The following GABRR3 variants were observed in gnomAD, a reference collection of about 807,000 sequenced individuals.
GABRR3 encodes gamma-aminobutyric acid receptor subunit rho-3.
Under a neutral mutation model 43.2 loss-of-function variants are expected in GABRR3, and 29 were observed. The ratio of observed to expected loss-of-function variants is 0.67; its 90% CI spans 0.50 to 0.92. The LOEUF is 0.92. GABRR3 is among the 40% of genes least tolerant of loss of function. The pLI is 0.00. For synonymous variants in GABRR3, 206 were observed against 195.9 expected (o/e 1.05, Z -0.43); for missense variants, 576 against 572.3 (o/e 1.01, Z -0.07).
At position 97,990,508 on chromosome 3, in the gene GABRR3, C is replaced by T. The variant is rs556258786; in HGVS notation, c.1104+2344G>A. Among the ~76,000 whole-genome samples the T allele has an allele frequency of 3.9e-5, 6 of 152,048 alleles. No homozygotes were observed. The South Asian group carries it at 6.2e-4, about 16-fold the overall frequency. On this transcript the variant is annotated intron_variant, in intron 9 of 9. Coordinates refer to ENST00000621172, the Ensembl canonical transcript of GABRR3. The stretch of plus-strand genomic sequence containing the variant: ...GGATTACAGGTTCCCACCACACGCC[C>T]GGCTAATTTTTGTATTTTTAGTAGA...
At chr3:98,019,236 G>C (rs1278263626) in intron 3 of GABRR3, among the ~76,000 whole-genome samples, 3 of 152,190 alleles carry the variant, frequency 2.0e-5, no homozygotes, top group Non-Finnish European at 4.4e-5. Context: ...CTGAGGCTAC[G>C]TAATGCCTGG....
chr3:98,028,460 C>T (rs1391403195), intron 2 of GABRR3, among the ~76,000 whole-genome samples: 3 of 152,186 alleles, frequency 2.0e-5, no homozygotes, highest in African/African-American at 7.2e-5. Flanking sequence ...GTTCTTCCTT[C>T]AATTTTGTTA....
intron 1 of GABRR3, 99 bp from the exon 2 acceptor site, chr3:98,035,088 C>A: frequency 1.5e-6 from 2 of 1,369,536 alleles, no homozygotes; most frequent in Non-Finnish European, 2.0e-6. Context: ...AACAGCATGT[C>A]AGGGGAAATG....
chr3:98,035,136 C>A, intron 1 of GABRR3, 54 bp downstream of exon 1: 1 of 929,032 alleles, frequency 1.1e-6, no homozygotes, highest in Non-Finnish European at 1.5e-6. Flanking sequence ...TTCAATGCTG[C>A]ACTTTGTTTT....
At chr3:98,023,173 G>C in intron 3 of GABRR3, among the ~76,000 whole-genome samples, 1 of 152,248 alleles carries the variant, frequency 6.6e-6, no homozygotes, top group South Asian at 2.1e-4. Context: ...GAGTGTCAAA[G>C]CCTCTCTAGA....
rs145153329 is a variant in GABRR3, at chr3:98,032,702, A to T, written c.125+2161T>A. On this transcript the variant is annotated intron_variant, in intron 2 of 9. Transcript: ENST00000621172. ...AAAGAAGGGAATCTCTGGATTAAAA[A>T]GTGAGGTTATATTCTGAATGAAAAC... Among the ~76,000 whole-genome samples the T allele has an allele frequency of 3.1e-3, 473 of 152,308 alleles. 4 individuals are homozygous for T. The highest frequency in any genetic ancestry group is 0.011 in the African/African-American group (444 of 41,570).
intron 3 of GABRR3, among the ~76,000 whole-genome samples, chr3:98,024,366 CA>C (rs35090836): frequency 0.23 from 9,717 of 42,646 alleles, 171 homozygotes; most frequent in African/African-American, 0.31. Flanking sequence ...GACTCCGTCT[CA>C]AAAAAAAAAA....
chr3:98,012,793 T>C (rs569865362), intron 4 of GABRR3, among the ~76,000 whole-genome samples: 10 of 152,256 alleles, frequency 6.6e-5, no homozygotes, highest in South Asian at 2.1e-4. Context: ...GGAGTTATAA[T>C]AGAATATTCA....
At chr3:98,017,615 T>C in intron 4 of GABRR3, 40 bp downstream of exon 4, 1 of 1,466,974 alleles carries the variant, frequency 6.8e-7, no homozygotes, top group Non-Finnish European at 9.5e-7. Context: ...CGAGTTTCTG[T>C]CTTTTCAGAA....
intron 7 of GABRR3, 83 bp downstream of exon 7, chr3:98,007,681 C>T: frequency 1.4e-6 from 2 of 1,470,958 alleles, no homozygotes; most frequent in Non-Finnish European, 9.4e-7. Flanking sequence ...CGCTTGGATT[C>T]CGGTCTTTTC....
At chr3:98,026,606 T>TCATCATTAG (rs1553720247) in intron 2 of GABRR3, among the ~76,000 whole-genome samples, 1 of 104,308 alleles carries the variant, frequency 9.6e-6, no homozygotes, top group Non-Finnish European at 2.3e-5. Flanking sequence ...GTGGCTGTCA[T>TCATCATTAG]CATCATCATC....
At chr3:97,993,079 G>C (rs1706492007) in intron 8 of GABRR3, 31 bp from the exon 9 acceptor site, 1 of 1,511,230 alleles carries the variant, frequency 6.6e-7, no homozygotes, top group Non-Finnish European at 8.9e-7. Flanking sequence ...CAAGCTCAGT[G>C]ATATAGCCAT....
At chr3:98,025,647 C>T (rs770976930) in exon 3 of GABRR3, 13 of 1,612,234 alleles carry the variant, frequency 8.1e-6, no homozygotes, top group Non-Finnish European at 1.1e-5. Context: ...CGCTTTGGTA[C>T]TGTCATCTTT....
At position 98,012,447 on chromosome 3, in the gene GABRR3, C is replaced by T; in HGVS notation, c.427G>A (p.Asp143Asn). Residue 143 changes from aspartate (D) to asparagine (N), a missense_variant, in exon 5 of 10, where the codon GAT (aspartate) becomes AAT (asparagine). Transcript: ENST00000621172. ...CTTTTAGAGTGGACAAAAAAGATAT[C>T]AGGCACCCAGATCTTTCTGGTCAAT... is the stretch of plus-strand genomic sequence containing the variant. 6.2e-7 allele frequency: 1 copy of T among 1,613,904 alleles called. No individual in the cohort carries two copies. The highest frequency in any genetic ancestry group is 8.5e-7 in the Non-Finnish European group (1 of 1,179,806).
chr3:98,018,437 C>A lies in GABRR3; in HGVS notation c.239-715G>T, dbSNP rs1053719357. Among the ~76,000 whole-genome samples the A allele has an allele frequency of 2.0e-5, 3 of 152,192 alleles. 1 individual carries two copies. Among genetic ancestry groups the A allele is most frequent in the Admixed American group, 2.0e-4 (3 of 15,280 alleles). ...AATTGGAGCAATTTCAGACAGAGCA[C>A]TGCTGACACTTGTACAGTTGAGTCA... On this transcript the variant is annotated intron_variant, in intron 3 of 9. Transcript: ENST00000621172.
intron 5 of GABRR3, 25 bp from the exon 6 acceptor site, chr3:98,009,063 A>G: frequency 6.8e-7 from 1 of 1,478,078 alleles, no homozygotes; most frequent in Non-Finnish European, 9.3e-7. Flanking sequence ...AGAAAAAGAA[A>G]ACTGCAGATC....
chr3:98,024,763 G>T (rs1195873466), intron 3 of GABRR3, among the ~76,000 whole-genome samples: 1 of 152,178 alleles, frequency 6.6e-6, no homozygotes, highest in Non-Finnish European at 1.5e-5. Flanking sequence ...AATCAGGATG[G>T]ATTTAGCTGT....
intron 3 of GABRR3, 121 bp downstream of exon 3, chr3:98,025,446 G>A (rs879314564): frequency 3.3e-6 from 2 of 605,842 alleles, no homozygotes; most frequent in Non-Finnish European, 5.7e-6. Flanking sequence ...GATTGTAAAA[G>A]CCTTCTTTTT....
chr3:98,022,648 C>A (rs962832729), intron 3 of GABRR3, among the ~76,000 whole-genome samples: 5 of 152,096 alleles, frequency 3.3e-5, no homozygotes, highest in African/African-American at 1.2e-4. Context: ...ACAGAGCTAC[C>A]AGACTGACAC....
Sources: allele counts gnomAD v4.1 joint callset (sites outside exome capture counted in the v4.1 genomes callset), GRCh38; gene constraint gnomAD v4.1.1; transcripts MANE v1.5; gene names NCBI Gene and HGNC (gene_info 2026-07-23, HGNC 2026-07-21).